The following MYO9B variants were observed in gnomAD, a reference collection of about 807,000 sequenced individuals.
The protein encoded by MYO9B is myosin IXB.
A neutral mutation model predicts 229.5 loss-of-function variants in MYO9B; 71 were observed. That is an observed-to-expected ratio of 0.31 (90% CI 0.26 to 0.38). The LOEUF is 0.38. MYO9B is among the 10% of genes least tolerant of loss of function. The pLI is 1.00. For missense variants in MYO9B, 2,255 were observed against 2,920.5 expected (o/e 0.77, Z 5.25); for synonymous variants, 1,185 against 1,235.8 (o/e 0.96, Z 0.86).
At chr19:17,089,478 C>T (rs1253966951) in intron 1 of MYO9B, among the ~76,000 whole-genome samples, 1 of 152,212 alleles carries the variant, frequency 6.6e-6, no homozygotes, top group Non-Finnish European at 1.5e-5. Flanking sequence ...CTGGAGGCCC[C>T]GTCCGGAGGC....
At chr19:17,078,308 A>G (rs540130508) in intron 1 of MYO9B, among the ~76,000 whole-genome samples, 1 of 152,274 alleles carries the variant, frequency 6.6e-6, no homozygotes, top group Non-Finnish European at 1.5e-5. Flanking sequence ...TTGGGAGGCC[A>G]AGGTGGGTGG....
chr19:17,117,937 CAAA>C (rs567862829), intron 2 of MYO9B, among the ~76,000 whole-genome samples: 1 of 91,400 alleles, frequency 1.1e-5, no homozygotes, highest in Non-Finnish European at 2.1e-5. Context: ...CACTCTTCCT[CAAA>C]AAAAAAAAAA....
At chr19:17,135,649 G>A (rs901531472) in intron 2 of MYO9B, among the ~76,000 whole-genome samples, 4 of 152,160 alleles carry the variant, frequency 2.6e-5, no homozygotes, top group South Asian at 2.1e-4. Context: ...CATACCAGAC[G>A]CGTGAGGTCA....
intron 2 of MYO9B, among the ~76,000 whole-genome samples, chr19:17,132,273 C>T (rs1357779079): frequency 1.4e-5 from 2 of 144,718 alleles, no homozygotes; most frequent in African/African-American, 2.6e-5. Context: ...GCAACCTCCA[C>T]CTCCTGGGTT....
chr19:17,088,989 TTC>T (rs2057610950), intron 1 of MYO9B, among the ~76,000 whole-genome samples: 2 of 152,186 alleles, frequency 1.3e-5, no homozygotes, highest in Admixed American at 6.5e-5. Flanking sequence ...TATCCCCACT[TTC>T]TGAAATGCCC....
intron 22 of MYO9B, among the ~76,000 whole-genome samples, chr19:17,196,115 G>A (rs949579844): frequency 6.7e-5 from 9 of 135,212 alleles, no homozygotes; most frequent in Admixed American, 6.2e-4. Flanking sequence ...GAGGGAGGGA[G>A]GGAGAGAGAG....
intron 2 of MYO9B, among the ~76,000 whole-genome samples, chr19:17,107,491 C>T (rs767207079): frequency 2.3e-4 from 35 of 152,272 alleles, no homozygotes; most frequent in Non-Finnish European, 4.4e-4. Context: ...CCCTCCAGGG[C>T]GTGGACAAGT....
intron 1 of MYO9B, among the ~76,000 whole-genome samples, chr19:17,095,163 A>C (rs2123497584): frequency 6.6e-6 from 1 of 152,252 alleles, no homozygotes; most frequent in African/African-American, 2.4e-5. Flanking sequence ...GAATCGCTTG[A>C]ACCCAGGACG....
intron 37 of MYO9B, 117 bp from the exon 38 acceptor site, chr19:17,210,598 T>C (rs2073215885): frequency 7.4e-7 from 1 of 1,346,314 alleles, no homozygotes; most frequent in African/African-American, 1.5e-5. Flanking sequence ...TAGAGAAGTC[T>C]CACTAAGAGC....
At chr19:17,086,181 C>A (rs2057581042) in intron 1 of MYO9B, among the ~76,000 whole-genome samples, 1 of 152,210 alleles carries the variant, frequency 6.6e-6, no homozygotes, top group Admixed American at 6.5e-5. Context: ...CCCTGTCGGA[C>A]TTGCATGAAA....
At position 17,192,891 on chromosome 19, in the gene MYO9B, T is replaced by C. The variant is rs1451549675; in HGVS notation, c.2957T>C (p.Ile986Thr). Residue 986 changes from isoleucine (I) to threonine (T), a missense_variant, in exon 21 of 40, where the codon ATC becomes ACC. Ile to Thr is a moderately conservative substitution (Grantham distance 89). Transcript: ENST00000682292. ...FLQMKRAAVT[I>T]QACWRSYRVR... Reference sequence around the variant, plus strand: ...CAGATGAAGCGGGCCGCCGTCACCATCCAGGCCTGCTGGCGGTCCTACCGG... The same window carrying C: ...CAGATGAAGCGGGCCGCCGTCACCACCCAGGCCTGCTGGCGGTCCTACCGG... 5 of 1,550,420 alleles carry C rather than the reference T, an allele frequency of 3.2e-6. No homozygotes were observed. Among genetic ancestry groups the C allele is most frequent in the South Asian group, 2.4e-5 (2 of 84,046 alleles).
Position 17,102,179 on chromosome 19 carries a change from C to T in MYO9B, c.462C>T (p.Leu154=), listed in dbSNP as rs117386912. The part of the protein sequence containing the change: ...QQADFDDLCN[L]PELTEGNLLK... The stretch of plus-strand genomic sequence containing the variant: ...CGGACTTTGATGACCTGTGTAACCT[C>T]CCCGAGCTAACCGAGGGCAACCTCC... Residue 154 remains leucine, a synonymous_variant, in exon 2 of 40, where the codon CTC becomes CTT. Coordinates refer to ENST00000682292, the MANE Select transcript of MYO9B (RefSeq NM_004145.4). 0.015 allele frequency: 24,713 copies of T among 1,613,874 alleles called. 264 individuals are homozygous for T. The highest frequency in any genetic ancestry group is 0.019 in the Non-Finnish European group (22,531 of 1,179,884).
rs1383916471 is a variant in MYO9B, at chr19:17,172,999, T to C, written c.2140+36T>C. On this transcript the variant is annotated intron_variant, in intron 13 of 39. Coordinates refer to ENST00000682292, the MANE Select transcript of MYO9B (RefSeq NM_004145.4). The surrounding 1 kb of genome is among the most constrained non-coding windows in gnomAD (Gnocchi z 8.2). ...GGGCGTGAACCCACAAAAGCGTCAC[T>C]GTCGAGAGGGGGGCACATCCTGAGT... 2 of 1,588,134 alleles carry C rather than the reference T, an allele frequency of 1.3e-6. No individual in the cohort carries two copies.
rs760750887 is a variant in MYO9B, at chr19:17,202,856, G to C, written c.4851G>C (p.Gln1617His). ...DFEPVKQSKA[Q>H]KKKRKQERAV... Reference sequence around the variant, plus strand: ...GTTCCTCACAGCAGAGCAAAGCTCAGAAGAAGAAGCGGAAGCAGGAGCGTG... The same window carrying C: ...GTTCCTCACAGCAGAGCAAAGCTCACAAGAAGAAGCGGAAGCAGGAGCGTG... Residue 1617 changes from glutamine to histidine, a missense_variant, in exon 29 of 40, where the codon CAG becomes CAC. By Grantham distance (24) the Gln-to-His change is conservative. This residue lies in a region of MYO9B where 416 missense variants were observed against 605.5 expected (regional missense o/e 0.69). Coordinates refer to ENST00000682292, the MANE Select transcript of MYO9B (RefSeq NM_004145.4). 4 of 1,601,140 alleles carry C rather than the reference G, an allele frequency of 2.5e-6. No homozygotes were observed. In the South Asian group the frequency reaches 3.4e-5, roughly 14 times the overall value.
chr19:17,094,185 G>A (rs1024647151), intron 1 of MYO9B, among the ~76,000 whole-genome samples: 4 of 152,024 alleles, frequency 2.6e-5, no homozygotes, highest in Non-Finnish European at 5.9e-5. Context: ...ACAGGCATGC[G>A]CCACCATGCC....
At position 17,099,659 on chromosome 19, in the gene MYO9B, C is replaced by CA. The variant is rs377556654; in HGVS notation, c.-58-1992dup. On this transcript the variant is annotated intron_variant, in intron 1 of 39. Coordinates refer to ENST00000682292, the MANE Select transcript of MYO9B (RefSeq NM_004145.4). ...TGAAACTCCATCTCTACTAAAAATACAAAAAAAAATTAGCCAGGCGCGGTG... is the reference window on the plus strand; with the variant it reads ...TGAAACTCCATCTCTACTAAAAATACAAAAAAAAAATTAGCCAGGCGCGGTG... Among the ~76,000 whole-genome samples the CA allele has an allele frequency of 1.0e-4, 15 of 150,430 alleles. No individual in the cohort carries two copies. In the East Asian group the frequency reaches 2.4e-3, roughly 24 times the overall value.
intron 2 of MYO9B, among the ~76,000 whole-genome samples, chr19:17,133,998 T>C (rs2072235069): frequency 1.3e-5 from 2 of 151,280 alleles, no homozygotes; most frequent in African/African-American, 4.9e-5. Flanking sequence ...CCTGACCTCA[T>C]GATCTGCCCG....
intron 11 of MYO9B, among the ~76,000 whole-genome samples, chr19:17,171,516 G>A (rs1170208845): frequency 6.6e-6 from 1 of 152,182 alleles, no homozygotes; most frequent in Non-Finnish European, 1.5e-5. Context: ...ATGGGTAACA[G>A]ATCCAGACCT....
At chr19:17,107,123 C>CT (rs2057799819) in intron 2 of MYO9B, among the ~76,000 whole-genome samples, 1 of 152,136 alleles carries the variant, frequency 6.6e-6, no homozygotes, top group African/African-American at 2.4e-5. Flanking sequence ...GTGGTCTCAG[C>CT]TCTCAGGAGC....
Sources: gnomAD v4.1 joint callset for allele counts (sites outside exome capture counted in the v4.1 genomes callset) on GRCh38, gnomAD v4.1.1 for gene constraint, gnomAD v4.1.1 regional missense constraint, Gnocchi (gnomAD v3.1) non-coding constraint, MANE v1.5 for transcripts, NCBI Gene and HGNC (gene_info 2026-07-23, HGNC 2026-07-21) for gene names.